The following FOXP1 variants were observed in gnomAD, a reference collection of about 807,000 sequenced individuals.
FOXP1 encodes forkhead box P1.
Under a neutral mutation model 98.2 loss-of-function variants are expected in FOXP1, and 15 were observed. The ratio of observed to expected loss-of-function variants is 0.15; its 90% CI spans 0.10 to 0.24. FOXP1 has a LOEUF of 0.24. Ranked by LOEUF, FOXP1 falls within the 10% of genes least tolerant of loss-of-function variation. FOXP1 has a pLI of 1.00. For missense variants in FOXP1, 633 were observed against 848.5 expected, an observed-to-expected ratio of 0.75 and a Z score of 3.15; for synonymous variants, 371 against 314.5, an observed-to-expected ratio of 1.18 and a Z score of -1.90.
chr3:71,463,447 T>G (rs2088366925), intron 3 of FOXP1, among the ~76,000 whole-genome samples: 1 of 149,502 alleles, frequency 6.7e-6, no homozygotes. Flanking sequence ...ACCACATGGC[T>G]ATGGGTTCAG....
intron 4 of FOXP1, among the ~76,000 whole-genome samples, chr3:71,314,001 TTGCC>T: frequency 6.6e-6 from 1 of 152,266 alleles, no homozygotes; most frequent in South Asian, 2.1e-4. Flanking sequence ...CTTAGGCAAA[TTGCC>T]TAAGCTCTCT....
intron 6 of FOXP1, among the ~76,000 whole-genome samples, chr3:71,113,728 A>AAAATAAAATAAAATAAAATAAAAT (rs2058130503): frequency 6.7e-6 from 1 of 148,804 alleles, no homozygotes; most frequent in African/African-American, 2.4e-5. Context: ...AAAATAAAAT[A>AAAATAAAATAAAATAAAATAAAAT]AAATAAAATA....
chr3:71,401,628 G>C (rs762039247), intron 3 of FOXP1, among the ~76,000 whole-genome samples: 3 of 152,156 alleles, frequency 2.0e-5, no homozygotes, highest in Non-Finnish European at 4.4e-5. Flanking sequence ...AAAGGGATGC[G>C]GGAGAGAGCA....
At chr3:71,336,317 G>T (rs2076677654) in intron 4 of FOXP1, among the ~76,000 whole-genome samples, 1 of 151,916 alleles carries the variant, frequency 6.6e-6, no homozygotes. Context: ...GAATGTGCAG[G>T]TTACACAGGT....
chr3:71,054,028 TTAA>T (rs1474361710), intron 7 of FOXP1, among the ~76,000 whole-genome samples: 1 of 152,180 alleles, frequency 6.6e-6, no homozygotes, highest in African/African-American at 2.4e-5. Flanking sequence ...AAGGACAAAC[TTAA>T]TAAATGCTAA....
At chr3:71,176,442 A>G (rs919336376) in intron 6 of FOXP1, among the ~76,000 whole-genome samples, 2 of 152,148 alleles carry the variant, frequency 1.3e-5, no homozygotes, top group African/African-American at 4.8e-5. Flanking sequence ...GTCAAAGGAG[A>G]CAGCAATCAG....
At chr3:71,170,259 A>T (rs2061585028) in intron 6 of FOXP1, among the ~76,000 whole-genome samples, 1 of 152,218 alleles carries the variant, frequency 6.6e-6, no homozygotes, top group Non-Finnish European at 1.5e-5. Context: ...CAAAACACTT[A>T]GCGGTATATA....
chr3:70,989,903 A>AT (rs2040345654), intron 13 of FOXP1, among the ~76,000 whole-genome samples: 1 of 152,210 alleles, frequency 6.6e-6, no homozygotes, highest in South Asian at 2.1e-4. Context: ...CATCTTCTCC[A>AT]TATTTCCATC....
At chr3:71,230,478 G>C (rs746600971) in intron 5 of FOXP1, among the ~76,000 whole-genome samples, 1 of 152,206 alleles carries the variant, frequency 6.6e-6, no homozygotes, top group Non-Finnish European at 1.5e-5. Flanking sequence ...CAAAGGAACA[G>C]GAGGGGGTTA....
At position 70,977,875 on chromosome 3, in the gene FOXP1, G is replaced by T; in HGVS notation, c.1301C>A (p.Pro434His). ...TTTGTCTGAGTACCGCCTGCGGATG[G>T]GTCCCACCGTGTGCATGCTGGTGGT... Reference protein sequence around the residue: ...ITTTSMHTVGPIRRRYSDKYN... With the variant: ...ITTTSMHTVGHIRRRYSDKYN... Residue 434 changes from proline (P) to histidine (H), a missense_variant, in exon 15 of 21, where the codon CCC becomes CAC. Pro to His is a moderately conservative substitution (Grantham distance 77). This residue lies in a region of FOXP1 where 141 missense variants were observed against 199.5 expected (regional missense o/e 0.71). Transcript: ENST00000649528. 1 of 1,614,178 alleles carries T rather than the reference G, an allele frequency of 6.2e-7. No homozygotes were observed. Among genetic ancestry groups the T allele is most frequent in the Non-Finnish European group, 8.5e-7 (1 of 1,180,026 alleles).
intron 5 of FOXP1, among the ~76,000 whole-genome samples, chr3:71,249,010 A>G: frequency 6.6e-6 from 1 of 152,224 alleles, no homozygotes; most frequent in African/African-American, 2.4e-5. Context: ...CAGCCCCAGC[A>G]CTTTCTGAAT....
chr3:71,278,075 C>T (rs992978661), intron 5 of FOXP1, among the ~76,000 whole-genome samples: 10 of 152,122 alleles, frequency 6.6e-5, no homozygotes, highest in African/African-American at 2.4e-4. Flanking sequence ...GTGACCTGGG[C>T]ATGCTGGGTG....
intron 4 of FOXP1, among the ~76,000 whole-genome samples, chr3:71,343,899 C>A (rs1399555836): frequency 6.6e-6 from 1 of 152,208 alleles, no homozygotes; most frequent in Non-Finnish European, 1.5e-5. Flanking sequence ...AGTTTCCAAA[C>A]CTACTGGTGT....
At chr3:71,053,825 G>A (rs142369200) in intron 7 of FOXP1, 52 bp from the exon 8 acceptor site, 40 of 1,609,542 alleles carry the variant, frequency 2.5e-5, no homozygotes, top group Admixed American at 5.0e-5. Context: ...GAAGCACGCA[G>A]CCTCCCAGGT....
At chr3:71,025,142 T>C (rs962274963) in intron 11 of FOXP1, among the ~76,000 whole-genome samples, 6 of 152,096 alleles carry the variant, frequency 3.9e-5, no homozygotes, top group Admixed American at 1.3e-4. Context: ...TAGTAATAAG[T>C]ATATGCAGAC....
At chr3:71,395,171 A>G (rs1022343434) in intron 3 of FOXP1, among the ~76,000 whole-genome samples, 2 of 150,494 alleles carry the variant, frequency 1.3e-5, no homozygotes, top group African/African-American at 4.9e-5. Context: ...CCCCTAGTTA[A>G]TATCTGGAGA....
rs60664354 is a variant in FOXP1 at position 71,005,314 on chromosome 3, TAAAAAAAAA to T, written c.975-4264_975-4256del. Among the ~76,000 whole-genome samples, 28 of 25,268 alleles carry T rather than the reference TAAAAAAAAA, an allele frequency of 1.1e-3. 1 individual carries two copies. Among genetic ancestry groups the T allele is most frequent in the Admixed American group, 8.4e-3 (10 of 1,194 alleles). The allele number at this position is 25,268 out of a possible 152,430, so 16.6% of individuals were successfully genotyped here. ...GGTGGAGAGAAACAAATACCTGATT[TAAAAAAAAA>T]AAAAAAAAAAAAAAAAAACCAGAAT... On this transcript the variant is annotated intron_variant, in intron 12 of 20. Transcript: ENST00000649528.
intron 4 of FOXP1, among the ~76,000 whole-genome samples, chr3:71,341,359 A>G (rs1189776496): frequency 6.6e-6 from 1 of 152,242 alleles, no homozygotes; most frequent in Admixed American, 6.5e-5. Context: ...ATAACCAACG[A>G]ATTAAAGGAG....
intron 4 of FOXP1, chr3:71,304,671 A>G (rs968461506): frequency 1.3e-5 from 2 of 152,258 alleles, no homozygotes; most frequent in African/African-American, 4.8e-5. Flanking sequence ...TAAAAGTCAT[A>G]TACTTACAAT....
Sources: allele counts gnomAD v4.1 joint callset (sites outside exome capture counted in the v4.1 genomes callset), GRCh38; gene constraint gnomAD v4.1.1; regional missense constraint gnomAD v4.1.1; transcripts MANE v1.5; gene names NCBI Gene and HGNC (gene_info 2026-07-23, HGNC 2026-07-21).